Variants in CEP128 observed in about 807,000 individuals in gnomAD.
CEP128 encodes the protein centrosomal protein 128kDa.
Under a neutral mutation model 156.7 loss-of-function variants are expected in CEP128, and 132 were observed. That is an observed-to-expected ratio of 0.84 (90% confidence interval 0.73 to 0.97). The LOEUF (loss-of-function observed/expected upper bound fraction) is 0.97. Ranked by LOEUF, CEP128 falls within the 50% of genes least tolerant of loss-of-function variation. The pLI, the probability that CEP128 is intolerant of heterozygous loss-of-function variation, is 0.00. For missense variants in CEP128, 1,252 were observed against 1,281.9 expected (o/e 0.98, Z 0.36); for synonymous variants, 469 against 448.9 (o/e 1.04, Z -0.57).
At chr14:80,758,319 C>G (rs1899773425) in intron 17 of CEP128, among the ~76,000 whole-genome samples, 1 of 152,102 alleles carries the variant, frequency 6.6e-6, no homozygotes. Flanking sequence ...GTCAGGAGTA[C>G]AAGACCAGCC....
At chr14:80,657,594 C>T (rs915421018) in intron 19 of CEP128, among the ~76,000 whole-genome samples, 1 of 150,802 alleles carries the variant, frequency 6.6e-6, no homozygotes, top group African/African-American at 2.4e-5. Context: ...GAGGTCATGG[C>T]GAGCAGAAAT....
At chr14:80,573,436 G>A (rs76199627) in intron 20 of CEP128, among the ~76,000 whole-genome samples, 6,458 of 152,132 alleles carry the variant, frequency 0.042, 165 homozygotes, top group South Asian at 0.078. Flanking sequence ...AACCAGGCAT[G>A]TTTTTATATT....
At chr14:80,787,638 T>A (rs1901480894) in intron 14 of CEP128, among the ~76,000 whole-genome samples, 1 of 152,094 alleles carries the variant, frequency 6.6e-6, no homozygotes, top group Non-Finnish European at 1.5e-5. Flanking sequence ...GAATCAAATT[T>A]GGGCTGTAAA....
intron 17 of CEP128, among the ~76,000 whole-genome samples, chr14:80,760,534 A>G (rs1300960884): frequency 6.6e-6 from 1 of 152,108 alleles, no homozygotes; most frequent in Non-Finnish European, 1.5e-5. Context: ...AATCAATAGT[A>G]GAAACTGCTG....
In CEP128 at chr14:80,595,264, T is replaced by C. The variant is rs556373716; in HGVS notation, c.2807-14841A>G. On this transcript the variant is annotated intron_variant, in intron 19 of 24. Coordinates refer to ENST00000555265, the MANE Select transcript of CEP128 (RefSeq NM_152446.5). ...TGTGTTCTCACTCATAAGTTGGAGTTGAACAATGAGAACACATGGACACAG... is the reference window on the plus strand; with the variant it reads ...TGTGTTCTCACTCATAAGTTGGAGTCGAACAATGAGAACACATGGACACAG... 9.1e-4 allele frequency among the ~76,000 whole-genome samples: 139 copies of C among 152,218 alleles called. 1 individual carries two copies. Among genetic ancestry groups the C allele is most frequent in the African/African-American group, 3.2e-3 (134 of 41,546 alleles).
intron 23 of CEP128, among the ~76,000 whole-genome samples, chr14:80,517,098 C>T (rs1480979886): frequency 6.6e-6 from 1 of 151,966 alleles, no homozygotes; most frequent in African/African-American, 2.4e-5. Context: ...GTTCTTCTTT[C>T]ATTCCTAATA....
chr14:80,864,096 A>G (rs962436452), intron 8 of CEP128, among the ~76,000 whole-genome samples: 1 of 152,224 alleles, frequency 6.6e-6, no homozygotes, highest in Non-Finnish European at 1.5e-5. Flanking sequence ...CTTCCACTTA[A>G]TGAATGGTAA....
rs958287235 is a variant in CEP128, at chr14:80,602,277, A to C, written c.2807-21854T>G. Among the ~76,000 whole-genome samples, 11 of 152,336 alleles carry C rather than the reference A, an allele frequency of 7.2e-5. No individual in the cohort carries two copies. In the East Asian group the frequency reaches 1.9e-3, roughly 27 times the overall value. ...AATACCCCACCTTCAATAATACCCA[A>C]CTTTCAATATAGGATAGAACAAATA... On this transcript the variant is annotated intron_variant, in intron 19 of 24. Coordinates refer to ENST00000555265, the MANE Select transcript of CEP128 (RefSeq NM_152446.5).
intron 8 of CEP128, among the ~76,000 whole-genome samples, chr14:80,890,793 T>TTAAAAA (rs1233957020): frequency 5.3e-5 from 8 of 151,996 alleles, no homozygotes; most frequent in Admixed American, 3.9e-4. Flanking sequence ...TAAAGTTTAA[T>TTAAAAA]TAAAAATAAA....
chr14:80,563,244 A>T (rs1890765007), intron 20 of CEP128, among the ~76,000 whole-genome samples: 1 of 152,138 alleles, frequency 6.6e-6, no homozygotes, highest in African/African-American at 2.4e-5. Flanking sequence ...TCCTGAAAAG[A>T]AAAGTAAGCA....
intron 19 of CEP128, among the ~76,000 whole-genome samples, chr14:80,673,229 G>T (rs143239598): frequency 2.6e-5 from 4 of 152,092 alleles, no homozygotes; most frequent in South Asian, 2.1e-4. Context: ...CATAAAATAC[G>T]TCTTTGCGGT....
At chr14:80,570,553 C>T (rs978580190) in intron 20 of CEP128, among the ~76,000 whole-genome samples, 6 of 152,118 alleles carry the variant, frequency 3.9e-5, no homozygotes, top group Non-Finnish European at 7.4e-5. Flanking sequence ...TGTAGGGGGT[C>T]GGGGAGGCTG....
At chr14:80,932,975 T>C (rs564182604) in intron 2 of CEP128, among the ~76,000 whole-genome samples, 48 of 152,242 alleles carry the variant, frequency 3.2e-4, no homozygotes, top group African/African-American at 1.1e-3. Context: ...TTCCATTTGT[T>C]GCATTTTCAT....
intron 19 of CEP128, among the ~76,000 whole-genome samples, chr14:80,738,573 T>C (rs1438361865): frequency 2.0e-5 from 3 of 152,272 alleles, no homozygotes; most frequent in Non-Finnish European, 4.4e-5. Flanking sequence ...ACAGTTTCAA[T>C]TTGGTTTCAA....
intron 21 of CEP128, among the ~76,000 whole-genome samples, chr14:80,533,920 T>C (rs1182688792): frequency 1.3e-5 from 2 of 152,174 alleles, no homozygotes; most frequent in African/African-American, 4.8e-5. Flanking sequence ...CAGGAGCATT[T>C]AGCTCACCCA....
chr14:80,678,045 A>ATAT (rs1555390192), intron 19 of CEP128, among the ~76,000 whole-genome samples: 3 of 30,686 alleles, frequency 9.8e-5, no homozygotes, highest in African/African-American at 3.1e-4. Flanking sequence ...CTCTATAAAA[A>ATAT]AAAAATATAT....
downstream of CEP128, among the ~76,000 whole-genome samples, chr14:80,494,062 C>T (rs575567500): frequency 6.6e-6 from 1 of 152,186 alleles, no homozygotes; most frequent in East Asian, 1.9e-4. Flanking sequence ...TGGAATCTTT[C>T]GTGGTTTAAA....
At chr14:80,795,742 C>T (rs17111113) in intron 13 of CEP128, among the ~76,000 whole-genome samples, 3,163 of 152,280 alleles carry the variant, frequency 0.021, 42 homozygotes, top group Middle Eastern at 0.068. Flanking sequence ...ATAACTCCTC[C>T]TTCAGAAGTA....
intron 19 of CEP128, among the ~76,000 whole-genome samples, chr14:80,621,653 T>C (rs1893484960): frequency 6.6e-6 from 1 of 152,206 alleles, no homozygotes; most frequent in Non-Finnish European, 1.5e-5. Flanking sequence ...TAGATTACTC[T>C]TTGAAAATCA....
Sources: gnomAD v4.1 joint callset for allele counts (sites outside exome capture counted in the v4.1 genomes callset) on GRCh38, gnomAD v4.1.1 for gene constraint, MANE v1.5 for transcripts, NCBI Gene and HGNC (gene_info 2026-07-23, HGNC 2026-07-21) for gene names.